Variants in TRIP4 observed in about 807,000 individuals in gnomAD.
TRIP4 encodes the protein activating signal cointegrator 1.
In TRIP4, 54 loss-of-function variants were observed where a neutral mutation model predicts 81.8. The observed-to-expected ratio is 0.66, with a 90% CI of 0.53 to 0.83. The LOEUF is 0.83. Ranked by LOEUF, TRIP4 falls within the 40% of genes least tolerant of loss-of-function variation. The pLI is 0.00. For synonymous variants in TRIP4, 270 were observed against 242.8 expected, an observed-to-expected ratio of 1.11 and a Z score of -1.04; for missense variants, 662 against 683.6, an observed-to-expected ratio of 0.97 and a Z score of 0.35.
intron 12 of TRIP4, among the ~76,000 whole-genome samples, chr15:64,447,314 C>T (rs1294239561): frequency 2.0e-5 from 3 of 152,118 alleles, no homozygotes; most frequent in East Asian, 1.9e-4. Flanking sequence ...GCGAAACTCT[C>T]CCTCATCCAA....
intron 11 of TRIP4, among the ~76,000 whole-genome samples, chr15:64,440,630 G>C (rs756790143): frequency 4.6e-5 from 7 of 152,154 alleles, no homozygotes; most frequent in Non-Finnish European, 8.8e-5. Flanking sequence ...AGTGCTAGTA[G>C]TAGGAAAAGG....
rs530047485 is a variant in TRIP4, at chr15:64,391,828, G to A, written c.102-2118G>A. ...CTACTAAAAATTCAAAAAATTAGCC[G>A]GGCGCAGTGGTGCACGCCTGCAATC... On this transcript the variant is annotated intron_variant, in intron 1 of 12. Coordinates refer to ENST00000261884, the MANE Select transcript of TRIP4 (RefSeq NM_016213.5). Among the ~76,000 whole-genome samples the A allele has an allele frequency of 5.9e-5, 9 of 151,486 alleles. No homozygotes were observed. The South Asian group carries it at 1.3e-3, about 21-fold the overall frequency.
chr15:64,429,162 C>T (rs539734117), intron 11 of TRIP4, among the ~76,000 whole-genome samples: 116 of 151,636 alleles, frequency 7.6e-4, no homozygotes, highest in African/African-American at 2.3e-3. Context: ...TAAAAAACTA[C>T]AAAAATTAGC....
intron 1 of TRIP4, among the ~76,000 whole-genome samples, chr15:64,392,826 G>C (rs1379297930): frequency 2.6e-5 from 4 of 151,990 alleles, no homozygotes; most frequent in Admixed American, 2.0e-4. Flanking sequence ...TGTTGCCCAG[G>C]CTGGTCTCAA....
At chr15:64,393,880 G>A in intron 1 of TRIP4, 66 bp from the exon 2 acceptor site, 1 of 1,450,020 alleles carries the variant, frequency 6.9e-7, no homozygotes, top group Non-Finnish European at 9.2e-7. Flanking sequence ...CTAGATCTCT[G>A]TTAAGATTAC....
intron 11 of TRIP4, among the ~76,000 whole-genome samples, chr15:64,444,498 CT>C (rs1273012203): frequency 6.6e-6 from 1 of 152,222 alleles, no homozygotes; most frequent in East Asian, 1.9e-4. Context: ...AGCAAAACAG[CT>C]TTTGCATGTT....
intron 11 of TRIP4, among the ~76,000 whole-genome samples, chr15:64,435,748 C>T (rs1368431296): frequency 7.3e-6 from 1 of 136,122 alleles, no homozygotes; most frequent in Non-Finnish European, 1.5e-5. Context: ...GTGGAATACA[C>T]TAAGGAAGGG....
At chr15:64,445,183 G>A (rs1399654394) in intron 12 of TRIP4, 75 bp downstream of exon 12, 2 of 764,550 alleles carry the variant, frequency 2.6e-6, no homozygotes, top group Non-Finnish European at 4.4e-6. Flanking sequence ...AGAACAAGGA[G>A]TTCAATCTAT....
intron 11 of TRIP4, among the ~76,000 whole-genome samples, chr15:64,440,145 GT>G (rs1892485056): frequency 6.6e-6 from 1 of 152,062 alleles, no homozygotes; most frequent in East Asian, 1.9e-4. Context: ...TACCTCCTGA[GT>G]GGCTTGAGCC....
intron 6 of TRIP4, 141 bp downstream of exon 6, chr15:64,406,600 G>A (rs1360778491): frequency 1.2e-5 from 12 of 988,298 alleles, no homozygotes; most frequent in Middle Eastern, 3.1e-4. Flanking sequence ...CTACATAGGA[G>A]GCCTACATCT....
chr15:64,438,422 C>T (rs768668700), intron 11 of TRIP4, among the ~76,000 whole-genome samples: 17 of 152,182 alleles, frequency 1.1e-4, no homozygotes, highest in Non-Finnish European at 2.1e-4. Flanking sequence ...CAGGTTCAAA[C>T]GATTCTCCTG....
chr15:64,440,637 A>G (rs1162871392), intron 11 of TRIP4, among the ~76,000 whole-genome samples: 1 of 152,156 alleles, frequency 6.6e-6, no homozygotes, highest in African/African-American at 2.4e-5. Context: ...GTAGTAGGAA[A>G]AGGGATATTC....
chr15:64,414,164 C>A lies in TRIP4; in HGVS notation c.1123C>A (p.Pro375Thr), dbSNP rs774524258. The part of the protein sequence containing the change: ...LTKLDRSSEE[P>T]LGVLVNPNMY... ...CAAATTGGATAGATCTTCTGAAGAG[C>A]CTTTGGGAGTTCTGGTAAATCCCAA... is the stretch of plus-strand genomic sequence containing the variant. Residue 375 changes from proline (P) to threonine (T), a missense_variant, in exon 8 of 13, where the codon CCT becomes ACT. Physicochemically the swap from Pro to Thr is conservative, Grantham distance 38 (BLOSUM62 -1). Coordinates refer to ENST00000261884, the MANE Select transcript of TRIP4 (RefSeq NM_016213.5). 31 of 1,613,956 alleles carry A rather than the reference C, an allele frequency of 1.9e-5. No individual in the cohort carries two copies. The highest frequency in any genetic ancestry group is 2.6e-5 in the Non-Finnish European group (31 of 1,180,016).
At chr15:64,402,278 A>G (rs1297491182) in intron 5 of TRIP4, among the ~76,000 whole-genome samples, 6 of 151,192 alleles carry the variant, frequency 4.0e-5, no homozygotes, top group Non-Finnish European at 8.8e-5. Context: ...GCTGGAGTGC[A>G]ATGGTGTGAT....
At chr15:64,435,153 T>A (rs1892361809) in intron 11 of TRIP4, among the ~76,000 whole-genome samples, 1 of 144,240 alleles carries the variant, frequency 6.9e-6, no homozygotes. Flanking sequence ...GAGGCAAGGG[T>A]TGCAGTGAGC....
At chr15:64,449,671 T>C (rs1892710600) in intron 12 of TRIP4, among the ~76,000 whole-genome samples, 1 of 152,292 alleles carries the variant, frequency 6.6e-6, no homozygotes, top group African/African-American at 2.4e-5. Context: ...TTGAGTTTGC[T>C]TGACCTTAAG....
intron 12 of TRIP4, among the ~76,000 whole-genome samples, chr15:64,448,611 G>A (rs112640485): frequency 0.048 from 7,346 of 152,108 alleles, 237 homozygotes; most frequent in South Asian, 0.087. Flanking sequence ...CCACAGGCAC[G>A]CGCCTCCATG....
chr15:64,401,043 C>A (rs909894245), intron 5 of TRIP4, among the ~76,000 whole-genome samples: 2 of 151,968 alleles, frequency 1.3e-5, no homozygotes, highest in African/African-American at 2.4e-5. Context: ...CTTACTGCAA[C>A]CTCCGCCTCC....
intron 12 of TRIP4, among the ~76,000 whole-genome samples, chr15:64,445,531 G>T (rs1218941539): frequency 1.3e-5 from 2 of 151,172 alleles, no homozygotes; most frequent in Admixed American, 1.3e-4. Flanking sequence ...AGCACCTGTA[G>T]TGCCTGTAGC....
Sources: gnomAD v4.1 joint callset for allele counts (sites outside exome capture counted in the v4.1 genomes callset) on GRCh38, gnomAD v4.1.1 for gene constraint, MANE v1.5 for transcripts, NCBI Gene and HGNC (gene_info 2026-07-23, HGNC 2026-07-21) for gene names.